The following KAZN variants were observed in gnomAD, a reference collection of about 807,000 sequenced individuals.
KAZN encodes kazrin.
Under a neutral mutation model 87.4 loss-of-function variants are expected in KAZN, and 40 were observed. The ratio of observed to expected loss-of-function variants is 0.46; its 90% CI spans 0.36 to 0.60. The LOEUF (loss-of-function observed/expected upper bound fraction) is 0.60. KAZN is among the 20% of genes least tolerant of loss of function. KAZN has a pLI of 0.00. For missense variants in KAZN, 898 were observed against 1,073.9 expected, an observed-to-expected ratio of 0.84 and a Z score of 2.29; for synonymous variants, 466 against 458.3, an observed-to-expected ratio of 1.02 and a Z score of -0.22.
At chr1:14,945,456 C>T (rs1033971153) in intron 1 of KAZN, among the ~76,000 whole-genome samples, 2 of 152,152 alleles carry the variant, frequency 1.3e-5, no homozygotes, top group Admixed American at 6.5e-5. Flanking sequence ...ATGTGATCCC[C>T]GTGCCCCTCT....
intron 2 of KAZN, among the ~76,000 whole-genome samples, chr1:14,982,823 C>A (rs1487750678): frequency 6.6e-6 from 1 of 152,184 alleles, no homozygotes; most frequent in Non-Finnish European, 1.5e-5. Context: ...CTGGATCTTC[C>A]CACTGCCTGA....
chr1:14,076,069 C>G (rs1308685578), intron 1 of KAZN, among the ~76,000 whole-genome samples: 2 of 152,102 alleles, frequency 1.3e-5, no homozygotes, highest in Non-Finnish European at 2.9e-5. Context: ...ATCACGAGAT[C>G]AGGAGATTGA....
chr1:14,934,597 T>C (rs1660235860), intron 1 of KAZN, among the ~76,000 whole-genome samples: 1 of 152,220 alleles, frequency 6.6e-6, no homozygotes, highest in African/African-American at 2.4e-5. Flanking sequence ...GCTTAGACGC[T>C]GTAGTGTAGG....
At position 15,077,128 on chromosome 1, in the gene KAZN, T is replaced by A. The variant is rs1286420834; in HGVS notation, c.1222+11375T>A. Among the ~76,000 whole-genome samples the A allele has an allele frequency of 1.3e-5, 2 of 152,182 alleles. No homozygotes were observed. Among genetic ancestry groups the A allele is most frequent in the Non-Finnish European group, 2.9e-5 (2 of 68,034 alleles). On this transcript the variant is annotated intron_variant, in intron 8 of 14. Transcript: ENST00000376030. This position sits in a 1 kb window ranked among gnomAD's most constrained non-coding sequence, Gnocchi z 4.8. ...TTCTAGAGAAGCCAAATATCTCACATAATACACCCCAAGTCTTTCATATTG... is the reference window on the plus strand; with the variant it reads ...TTCTAGAGAAGCCAAATATCTCACAAAATACACCCCAAGTCTTTCATATTG...
chr1:14,514,764 GA>G (rs1306948159), intron 2 of KAZN, among the ~76,000 whole-genome samples: 1 of 150,670 alleles, frequency 6.6e-6, no homozygotes, highest in Non-Finnish European at 1.5e-5. Context: ...CTTGACAAAT[GA>G]CTTCAACTTC....
chr1:14,471,400 G>T (rs1668445507), intron 2 of KAZN, among the ~76,000 whole-genome samples: 1 of 152,266 alleles, frequency 6.6e-6, no homozygotes, highest in African/African-American at 2.4e-5. Context: ...CAAAGAAAAT[G>T]GTGTTTTTGT....
At chr1:14,405,361 T>C (rs1374787523) in intron 2 of KAZN, among the ~76,000 whole-genome samples, 3 of 152,146 alleles carry the variant, frequency 2.0e-5, no homozygotes, top group Admixed American at 6.5e-5. Context: ...CAAGAAATCA[T>C]ATAGATTTTC....
At chr1:14,256,208 G>C (rs1157382959) in intron 2 of KAZN, among the ~76,000 whole-genome samples, 1 of 152,024 alleles carries the variant, frequency 6.6e-6, no homozygotes, top group Non-Finnish European at 1.5e-5. Context: ...CCGGTGCGTT[G>C]GAGTTGCTGA....
intron 1 of KAZN, among the ~76,000 whole-genome samples, chr1:13,932,556 G>A (rs1640567511): frequency 6.6e-6 from 1 of 152,166 alleles, no homozygotes; most frequent in African/African-American, 2.4e-5. Context: ...CACCGCGCCC[G>A]GCCTTATTAA....
intron 2 of KAZN, among the ~76,000 whole-genome samples, chr1:14,480,960 TTATATA>T (rs1669050144): frequency 6.7e-6 from 1 of 149,436 alleles, no homozygotes; most frequent in African/African-American, 2.4e-5. Flanking sequence ...TATTTATTAC[TTATATA>T]TATTTATATT....
intron 1 of KAZN, among the ~76,000 whole-genome samples, chr1:14,019,190 A>T (rs180834144): frequency 1.3e-5 from 2 of 152,360 alleles, no homozygotes; most frequent in African/African-American, 4.8e-5. Flanking sequence ...TGAAATCTAT[A>T]TCAGATGCTT....
intron 2 of KAZN, among the ~76,000 whole-genome samples, chr1:14,340,962 A>G (rs900866103): frequency 2.3e-5 from 3 of 133,300 alleles, no homozygotes; most frequent in Admixed American, 9.1e-5. Flanking sequence ...ATCTCGACTC[A>G]CTGCAACCTC....
intron 13 of KAZN, among the ~76,000 whole-genome samples, chr1:15,107,535 A>G (rs1437798600): frequency 6.6e-6 from 1 of 152,198 alleles, no homozygotes; most frequent in East Asian, 1.9e-4. Flanking sequence ...ACCTCTCTGA[A>G]CTGTACTTTC....
In KAZN at chr1:14,677,814, A is replaced by G. The variant is rs149563388; in HGVS notation, c.226+78591A>G. Among the ~76,000 whole-genome samples the G allele has an allele frequency of 7.9e-5, 12 of 152,298 alleles. No individual in the cohort carries two copies. In the East Asian group the frequency reaches 2.3e-3, roughly 29 times the overall value. On this transcript the variant is annotated intron_variant, in intron 1 of 14. Coordinates refer to ENST00000376030, the MANE Select transcript of KAZN (RefSeq NM_201628.3). Reference sequence around the variant, plus strand: ...TATATCAAAAAGCTGCTGAGTGGAGACAGAAAACTCTGTAACTGTCAATGG... The same window carrying G: ...TATATCAAAAAGCTGCTGAGTGGAGGCAGAAAACTCTGTAACTGTCAATGG...
chr1:14,997,234 T>G (rs1399793606), intron 2 of KAZN, among the ~76,000 whole-genome samples: 1 of 149,680 alleles, frequency 6.7e-6, no homozygotes, highest in Non-Finnish European at 1.5e-5. Context: ...TATTTATTTA[T>G]TTATTTATTT....
At chr1:14,377,893 C>G (rs1403866577) in intron 2 of KAZN, among the ~76,000 whole-genome samples, 1 of 151,760 alleles carries the variant, frequency 6.6e-6, no homozygotes, top group Non-Finnish European at 1.5e-5. Context: ...GTAACATCGT[C>G]TCTTCCCAAA....
In KAZN at chr1:14,538,020, G is replaced by A. The variant is rs150141505; in HGVS notation, c.250-60963G>A. Among the ~76,000 whole-genome samples the A allele has an allele frequency of 2.0e-5, 3 of 152,306 alleles. No individual in the cohort carries two copies. The East Asian group carries it at 5.8e-4, about 29-fold the overall frequency. ...GGGTGGGGACAAAGGTAGATTTGAA[G>A]TCCATTTGGATCACATTGAACCCTC... On this transcript the variant is annotated intron_variant, in intron 2 of 16. Coordinates refer to the KAZN transcript ENST00000636203.
intron 1 of KAZN, among the ~76,000 whole-genome samples, chr1:14,922,079 T>C (rs1379816222): frequency 6.6e-6 from 1 of 152,264 alleles, no homozygotes; most frequent in African/African-American, 2.4e-5. Flanking sequence ...GTATAATTCA[T>C]GTACTTCCAG....
intron 1 of KAZN, chr1:14,946,320 TC>T (rs201280061): frequency 1.1e-3 from 161 of 143,760 alleles, no homozygotes; most frequent in African/African-American, 3.4e-3. Context: ...ATTCTCTCTC[TC>T]TTTTTTTTTT....
Sources: gnomAD v4.1 joint callset for allele counts (sites outside exome capture counted in the v4.1 genomes callset) on GRCh38, gnomAD v4.1.1 for gene constraint, Gnocchi (gnomAD v3.1) non-coding constraint, MANE v1.5 for transcripts, NCBI Gene and HGNC (gene_info 2026-07-23, HGNC 2026-07-21) for gene names.